Variants in TRPS1 observed in about 807,000 individuals in gnomAD.
TRPS1 encodes the protein zinc finger transcription factor Trps1.
Under a neutral mutation model 101.2 loss-of-function variants are expected in TRPS1, and 6 were observed. The observed-to-expected ratio is 0.06, with a 90% confidence interval of 0.03 to 0.12. TRPS1 has a LOEUF of 0.12. Ranked by LOEUF, TRPS1 falls within the 10% of genes least tolerant of loss-of-function variation. The pLI, the probability that TRPS1 is intolerant of heterozygous loss-of-function variation, is 1.00. For synonymous variants in TRPS1, 578 were observed against 589.8 expected, an observed-to-expected ratio of 0.98 and a Z score of 0.29; for missense variants, 1,363 against 1,567.0, an observed-to-expected ratio of 0.87 and a Z score of 2.20.
intron 5 of TRPS1, among the ~76,000 whole-genome samples, chr8:115,569,433 A>T (rs1049105710): frequency 6.6e-6 from 1 of 152,168 alleles, no homozygotes; most frequent in Non-Finnish European, 1.5e-5. Context: ...TTTCAGTTTC[A>T]TAAATATAAC....
intron 1 of TRPS1, chr8:115,637,386 A>G: frequency 1.2e-6 from 1 of 818,188 alleles, no homozygotes; most frequent in Non-Finnish European, 1.5e-6. Flanking sequence ...TGTAGACGGA[A>G]GAAGGGAAAG....
intron 5 of TRPS1, among the ~76,000 whole-genome samples, chr8:115,428,704 C>G (rs990077327): frequency 8.6e-5 from 13 of 151,948 alleles, no homozygotes; most frequent in Non-Finnish European, 1.6e-4. Context: ...GCAATTCTGT[C>G]TGACTTTTAG....
chr8:115,547,479 C>T (rs1213041366), intron 5 of TRPS1, among the ~76,000 whole-genome samples: 1 of 152,146 alleles, frequency 6.6e-6, no homozygotes, highest in Non-Finnish European at 1.5e-5. Context: ...GAATACCTGC[C>T]CCTAGAGCTA....
At chr8:115,476,489 T>C (rs542100530) in intron 5 of TRPS1, among the ~76,000 whole-genome samples, 7 of 152,268 alleles carry the variant, frequency 4.6e-5, no homozygotes, top group African/African-American at 1.7e-4. Context: ...GAAGCATGGC[T>C]TCAGGCTCCC....
chr8:115,453,788 A>AG (rs1304320358), intron 5 of TRPS1, among the ~76,000 whole-genome samples: 2 of 152,244 alleles, frequency 1.3e-5, no homozygotes, highest in Non-Finnish European at 2.9e-5. Context: ...TGGATGAATT[A>AG]GAGTATATAA....
chr8:115,618,996 A>C, intron 3 of TRPS1, 136 bp downstream of exon 3: 1 of 843,110 alleles, frequency 1.2e-6, no homozygotes, highest in Non-Finnish European at 1.9e-6. Context: ...GTAGCTATGG[A>C]GTGTGTCCAT....
In TRPS1 at chr8:115,619,848, T is replaced by C. The variant is rs765794064; in HGVS notation, c.250A>G (p.Ser84Gly). The stretch of plus-strand genomic sequence containing the variant: ...ACTGCGCTTTTCAAGTCCTTCTTAC[T>C]GCTAGAAGATGGATCTTGAACATGC... Reference protein sequence around the residue: ...SLHVQDPSSSSKKDLKSAVLS... With the variant: ...SLHVQDPSSSGKKDLKSAVLS... Residue 84 changes from serine (S) to glycine (G), a missense_variant, in exon 3 of 7, where the codon AGT becomes GGT. By Grantham distance (56) the Ser-to-Gly change is moderately conservative. Coordinates refer to ENST00000395715, the MANE Select transcript of TRPS1 (RefSeq NM_014112.5). 14 of 1,614,230 alleles carry C rather than the reference T, an allele frequency of 8.7e-6. No homozygotes were observed. Among genetic ancestry groups the C allele is most frequent in the Non-Finnish European group, 1.2e-5 (14 of 1,180,038 alleles).
At chr8:115,610,593 G>A (rs895616263) in intron 3 of TRPS1, among the ~76,000 whole-genome samples, 18 of 152,062 alleles carry the variant, frequency 1.2e-4, no homozygotes, top group Non-Finnish European at 2.1e-4. Flanking sequence ...GCCAACCAAC[G>A]GCAGGGGAGG....
At chr8:115,567,137 T>C (rs1186890007) in intron 5 of TRPS1, among the ~76,000 whole-genome samples, 1 of 78,906 alleles carries the variant, frequency 1.3e-5, no homozygotes, top group African/African-American at 1.0e-4. Context: ...CTCAGGTATA[T>C]CCAAGATATA....
chr8:115,653,076 A>G (rs1220438276), intron 1 of TRPS1, among the ~76,000 whole-genome samples: 1 of 152,218 alleles, frequency 6.6e-6, no homozygotes, highest in Non-Finnish European at 1.5e-5. Context: ...CCAGAATAAG[A>G]GCTATTTTGC....
intron 5 of TRPS1, among the ~76,000 whole-genome samples, chr8:115,535,256 T>TATATAGCATATATATAGC (rs1457631642): frequency 5.5e-4 from 19 of 34,772 alleles, no homozygotes; most frequent in African/African-American, 2.8e-3. Context: ...ATATATAGCA[T>TATATAGCATATATATAGC]ATATATAGCA....
intron 5 of TRPS1, among the ~76,000 whole-genome samples, chr8:115,527,129 A>T (rs1488148116): frequency 6.6e-6 from 1 of 152,158 alleles, no homozygotes; most frequent in Non-Finnish European, 1.5e-5. Context: ...AGAATTTGAT[A>T]AAGAGAAGGT....
intron 1 of TRPS1, 49 bp downstream of exon 1, chr8:115,668,496 C>T (rs1053834529): frequency 5.5e-5 from 8 of 145,716 alleles, no homozygotes; most frequent in East Asian, 2.0e-4. Context: ...GCCCCCCGCG[C>T]CCCCCGCAGC....
chr8:115,498,405 CTCTCTCTCTCTATATA>C (rs1335267906), intron 5 of TRPS1, among the ~76,000 whole-genome samples: 71 of 85,646 alleles, frequency 8.3e-4, no homozygotes, highest in African/African-American at 3.4e-3. Flanking sequence ...CTCTCTCTCT[CTCTCTCTCTCTATATA>C]TATATATATA....
At chr8:115,423,640 C>T (rs529609053) in intron 5 of TRPS1, among the ~76,000 whole-genome samples, 138 of 152,228 alleles carry the variant, frequency 9.1e-4, no homozygotes, top group African/African-American at 3.0e-3. Flanking sequence ...AAACACAACA[C>T]CTTTTGTCTT....
intron 5 of TRPS1, among the ~76,000 whole-genome samples, chr8:115,554,862 A>C (rs536742545): frequency 6.6e-6 from 1 of 152,218 alleles, no homozygotes; most frequent in Non-Finnish European, 1.5e-5. Context: ...TGCCAGTGTG[A>C]AGAGGGAGAT....
chr8:115,559,931 T>C (rs912017466), intron 5 of TRPS1, among the ~76,000 whole-genome samples: 1 of 152,042 alleles, frequency 6.6e-6, no homozygotes, highest in Non-Finnish European at 1.5e-5. Flanking sequence ...CTTATAGAAA[T>C]ACTGAGTCAT....
chr8:115,531,924 A>G (rs1459029897), intron 5 of TRPS1, among the ~76,000 whole-genome samples: 1 of 151,846 alleles, frequency 6.6e-6, no homozygotes, highest in African/African-American at 2.4e-5. Flanking sequence ...GAATGGGAGG[A>G]TGTGGTCACA....
At chr8:115,543,900 G>A (rs1445683341) in intron 5 of TRPS1, among the ~76,000 whole-genome samples, 2 of 151,952 alleles carry the variant, frequency 1.3e-5, no homozygotes, top group African/African-American at 4.8e-5. Context: ...GCTCATGTCT[G>A]TTTAACATAA....
Sources: gnomAD v4.1 joint callset for allele counts (sites outside exome capture counted in the v4.1 genomes callset) on GRCh38, gnomAD v4.1.1 for gene constraint, MANE v1.5 for transcripts, NCBI Gene and HGNC (gene_info 2026-07-23, HGNC 2026-07-21) for gene names.